PLCE1: variants seen among roughly 807,000 people sequenced by gnomAD.
The protein encoded by PLCE1 is phospholipase C epsilon 1, also known as 1-phosphatidylinositol 4,5-bisphosphate phosphodiesterase epsilon-1.
In PLCE1, 119 loss-of-function variants were observed where a neutral mutation model predicts 242.8. The observed-to-expected ratio is 0.49, with a 90% confidence interval of 0.42 to 0.57. PLCE1 has a LOEUF of 0.57. Among genes scored for constraint, PLCE1 ranks in the 20% least tolerant of loss-of-function variants. The pLI is 0.00. For missense variants in PLCE1, 2,441 were observed against 2,788.8 expected, an observed-to-expected ratio of 0.88 and a Z score of 2.81; for synonymous variants, 945 against 1,017.4, an observed-to-expected ratio of 0.93 and a Z score of 1.35.
chr10:94,309,026 C>T (rs1361811175), intron 27 of PLCE1, among the ~76,000 whole-genome samples: 2 of 152,212 alleles, frequency 1.3e-5, no homozygotes, highest in Non-Finnish European at 2.9e-5. Context: ...CCATATATTA[C>T]AGTGTCTATC....
intron 1 of PLCE1, among the ~76,000 whole-genome samples, chr10:94,024,066 A>C (rs2061419628): frequency 6.6e-6 from 1 of 152,310 alleles, no homozygotes; most frequent in Non-Finnish European, 1.5e-5. Flanking sequence ...AGACTGACTC[A>C]TATTATGTAG....
intron 23 of PLCE1, among the ~76,000 whole-genome samples, chr10:94,295,377 A>T (rs1471223904): frequency 1.3e-5 from 2 of 152,180 alleles, no homozygotes; most frequent in Non-Finnish European, 2.9e-5. Context: ...TTCTTTGCTC[A>T]TCCATTAAGA....
At chr10:94,059,530 A>T (rs2043992055) in intron 2 of PLCE1, among the ~76,000 whole-genome samples, 1 of 152,112 alleles carries the variant, frequency 6.6e-6, no homozygotes, top group East Asian at 1.9e-4. Context: ...TTTAGAGGTA[A>T]AGTGAAAGTT....
chr10:94,138,099 T>A (rs2046842296), intron 3 of PLCE1: 1 of 356,260 alleles, frequency 2.8e-6, no homozygotes, highest in African/African-American at 2.1e-5. Flanking sequence ...GCAAGTTCTG[T>A]GAAACTTAAT....
chr10:94,171,360 T>G lies in PLCE1; in HGVS notation c.1673T>G (p.Phe558Cys). The part of the protein sequence containing the change: ...RRVLPVDYLC[F>C]LTRDLGTPEC... ...GTCTTGCCAGTCGACTACCTTTGCT[T>G]CTTAACACGGGACTTGGGCACTCCT... Residue 558 changes from phenylalanine (F) to cysteine (C), a missense_variant, in exon 4 of 33, where the codon TTC (phenylalanine) becomes TGC (cysteine). This residue lies in a region of PLCE1 where 733 missense variants were observed against 754.2 expected (regional missense o/e 0.97). Coordinates refer to ENST00000371380, the MANE Select transcript of PLCE1 (RefSeq NM_016341.4). 1 of 1,614,196 alleles carries G rather than the reference T, an allele frequency of 6.2e-7. No individual in the cohort carries two copies. The highest frequency in any genetic ancestry group is 8.5e-7 in the Non-Finnish European group (1 of 1,180,032).
Position 94,031,096 on chromosome 10 carries a change from G to C in PLCE1, c.50G>C (p.Arg17Thr), listed in dbSNP as rs2061548343. 1 of 1,613,780 alleles carries C rather than the reference G, an allele frequency of 6.2e-7. No homozygotes were observed. The highest frequency in any genetic ancestry group is 8.5e-7 in the Non-Finnish European group (1 of 1,179,754). Reference protein sequence around the residue: ...TASVLIPVTQRKVVSAQSAAD... With the variant: ...TASVLIPVTQTKVVSAQSAAD... ...TCTGTTCTCATACCTGTGACTCAGA[G>C]AAAAGTGGTTTCTGCCCAGTCGGCT... Residue 17 changes from arginine to threonine, a missense_variant, in exon 2 of 33, where the codon AGA becomes ACA. Physicochemically the swap from Arg to Thr is moderately conservative, Grantham distance 71 (BLOSUM62 -1). Transcript: ENST00000371380.
At chr10:94,145,298 G>T (rs1373498168) in intron 3 of PLCE1, among the ~76,000 whole-genome samples, 1 of 152,192 alleles carries the variant, frequency 6.6e-6, no homozygotes, top group Non-Finnish European at 1.5e-5. Context: ...CCTGGGAACT[G>T]TATTTCAAGA....
intron 17 of PLCE1, 58 bp downstream of exon 17, chr10:94,269,094 CTTTTTTTT>C (rs71031565): frequency 2.9e-5 from 9 of 312,474 alleles, no homozygotes; most frequent in East Asian, 8.6e-5. Flanking sequence ...CTTCATTTGT[CTTTTTTTT>C]TTTTTTTTTT....
chr10:94,041,309 T>C (rs1476680871), intron 2 of PLCE1, among the ~76,000 whole-genome samples: 1 of 152,194 alleles, frequency 6.6e-6, no homozygotes, highest in Non-Finnish European at 1.5e-5. Flanking sequence ...GCAGGCTTGT[T>C]AGCTGTCCTC....
At chr10:94,066,803 C>T (rs1005240928) in intron 2 of PLCE1, among the ~76,000 whole-genome samples, 5 of 152,182 alleles carry the variant, frequency 3.3e-5, no homozygotes, top group Non-Finnish European at 5.9e-5. Context: ...GGATGACACA[C>T]AATTTCATGG....
Position 94,158,908 on chromosome 10 carries a change from G to A in PLCE1, c.1493-12272G>A, listed in dbSNP as rs1225842123. ...TTTCGCTCTTGTTGCCCAGGCTGGA[G>A]TGCAATGGCGCAATCTCAGCTCACC... On this transcript the variant is annotated intron_variant, in intron 3 of 32. Coordinates refer to ENST00000371380, the MANE Select transcript of PLCE1 (RefSeq NM_016341.4). Among the ~76,000 whole-genome samples the A allele has an allele frequency of 3.7e-5, 5 of 134,234 alleles. No individual in the cohort carries two copies. In the South Asian group the frequency reaches 7.1e-4, roughly 19 times the overall value. 88.1% of individuals were successfully genotyped at this position (134,234 alleles called of 152,430 possible). A position where few individuals can be genotyped will look rare whatever the true frequency, so the allele number is the denominator to read the frequency against.
intron 2 of PLCE1, among the ~76,000 whole-genome samples, chr10:94,082,973 T>A (rs1034626158): frequency 2.0e-5 from 3 of 152,242 alleles, no homozygotes; most frequent in African/African-American, 7.2e-5. Flanking sequence ...TCTGATGATC[T>A]GACTTGATCA....
At chr10:94,282,875 A>T (rs528736932) in intron 20 of PLCE1, among the ~76,000 whole-genome samples, 1 of 152,264 alleles carries the variant, frequency 6.6e-6, no homozygotes, top group South Asian at 2.1e-4. Flanking sequence ...CATGGATGTC[A>T]GCATTCTGTT....
chr10:94,008,940 C>A (rs929376602), intron 1 of PLCE1, among the ~76,000 whole-genome samples: 1 of 152,168 alleles, frequency 6.6e-6, no homozygotes, highest in African/African-American at 2.4e-5. Context: ...TGGATGGGTG[C>A]TAGAGGTGAA....
Position 94,256,763 on chromosome 10 carries a change from A to G in PLCE1, c.3554+1714A>G, listed in dbSNP as rs182913791. ...TGCCAGATGCAAGATCAGAAGGCCA[A>G]CCCCAGGAGGACAGGGATCAGCACC... is the stretch of plus-strand genomic sequence containing the variant. On this transcript the variant is annotated intron_variant, in intron 11 of 32. Coordinates refer to ENST00000371380, the MANE Select transcript of PLCE1 (RefSeq NM_016341.4). Among the ~76,000 whole-genome samples, 479 of 152,318 alleles carry G rather than the reference A, an allele frequency of 3.1e-3. 2 individuals are homozygous for G. Among genetic ancestry groups the G allele is most frequent in the African/African-American group, 9.4e-3 (389 of 41,576 alleles).
chr10:94,200,844 C>T (rs1348625147), intron 4 of PLCE1, among the ~76,000 whole-genome samples: 1 of 152,124 alleles, frequency 6.6e-6, no homozygotes, highest in Non-Finnish European at 1.5e-5. Flanking sequence ...CCCACAAAAC[C>T]TTAAACCAGT....
At chr10:94,225,857 G>A (rs1333732176) in intron 4 of PLCE1, among the ~76,000 whole-genome samples, 1 of 152,238 alleles carries the variant, frequency 6.6e-6, no homozygotes, top group Non-Finnish European at 1.5e-5. Flanking sequence ...CAGGCAGTAT[G>A]CCATTGACCT....
chr10:94,304,153 A>G (rs1231141696), intron 24 of PLCE1, among the ~76,000 whole-genome samples: 2 of 152,140 alleles, frequency 1.3e-5, no homozygotes, highest in Non-Finnish European at 2.9e-5. Flanking sequence ...ATTTCACAAG[A>G]TTTTTCAGAC....
chr10:94,123,239 A>G (rs1036902192), intron 2 of PLCE1, among the ~76,000 whole-genome samples: 1 of 152,188 alleles, frequency 6.6e-6, no homozygotes, highest in African/African-American at 2.4e-5. Flanking sequence ...AAGAAGTTGT[A>G]TGGAAGGGCA....
Sources: gnomAD v4.1 joint callset for allele counts (sites outside exome capture counted in the v4.1 genomes callset) on GRCh38, gnomAD v4.1.1 for gene constraint, gnomAD v4.1.1 regional missense constraint, MANE v1.5 for transcripts, NCBI Gene and HGNC (gene_info 2026-07-23, HGNC 2026-07-21) for gene names.